The following DCUN1D4 variants were observed in gnomAD, a reference collection of about 807,000 sequenced individuals.
The protein encoded by DCUN1D4 is DCN1-like protein 4.
In DCUN1D4, 22 loss-of-function variants were observed where a neutral mutation model predicts 47.9. That is an observed-to-expected ratio of 0.46 (90% CI 0.33 to 0.66). The LOEUF (loss-of-function observed/expected upper bound fraction) is 0.66. Among genes scored for constraint, DCUN1D4 ranks in the 30% least tolerant of loss-of-function variants. The pLI is 0.02. For missense variants in DCUN1D4, 301 were observed against 340.8 expected (o/e 0.88, Z 0.92); for synonymous variants, 121 against 112.2 (o/e 1.08, Z -0.50).
At chr4:51,841,495 G>T (rs1358729927), upstream of DCUN1D4, among the ~76,000 whole-genome samples, 1 of 152,108 alleles carries the variant, frequency 6.6e-6, no homozygotes, top group Admixed American at 6.5e-5. Flanking sequence ...CATGATAAAG[G>T]TGATCAATAA....
chr4:51,835,646 C>T, the DCUN1D4 span, among the ~76,000 whole-genome samples: 1 of 152,052 alleles, frequency 6.6e-6, no homozygotes, highest in South Asian at 2.1e-4. Context: ...GGGGTGGGGA[C>T]AGGGCAGCTG....
intron 3 of DCUN1D4, among the ~76,000 whole-genome samples, chr4:51,867,622 G>T (rs1408358098): frequency 1.3e-5 from 2 of 152,196 alleles, no homozygotes; most frequent in Non-Finnish European, 2.9e-5. Flanking sequence ...TCTGCAGGCA[G>T]GTTGTCCTGT....
chr4:51,839,186 A>AGAAGGAAGGAAG (rs35432661), upstream of DCUN1D4, among the ~76,000 whole-genome samples: 387 of 141,650 alleles, frequency 2.7e-3, 2 homozygotes, highest in African/African-American at 1.0e-2. Flanking sequence ...GGAAGAAAGG[A>AGAAGGAAGGAAG]GAAGGAAGGA....
intron 1 of DCUN1D4, chr4:51,844,991 A>C: frequency 1.0e-6 from 1 of 985,236 alleles, no homozygotes; most frequent in Non-Finnish European, 1.2e-6. Flanking sequence ...GGAGAGGGAG[A>C]GCCCACGCCA....
At chr4:51,908,131 C>G (rs980125187) in intron 8 of DCUN1D4, among the ~76,000 whole-genome samples, 1 of 152,084 alleles carries the variant, frequency 6.6e-6, no homozygotes, top group African/African-American at 2.4e-5. Flanking sequence ...TGTACTATAT[C>G]ATTCTATAAC....
chr4:51,891,020 G>C (rs1020483499), intron 6 of DCUN1D4, among the ~76,000 whole-genome samples: 7 of 152,162 alleles, frequency 4.6e-5, no homozygotes, highest in African/African-American at 1.7e-4. Flanking sequence ...CAGACCCTGG[G>C]CCCATTCCAG....
chr4:51,885,257 A>C (rs1729280442), intron 5 of DCUN1D4, among the ~76,000 whole-genome samples: 1 of 152,168 alleles, frequency 6.6e-6, no homozygotes, highest in Non-Finnish European at 1.5e-5. Context: ...GATCATGAGG[A>C]GACTGCTGTA....
At chr4:51,895,653 G>T (rs1227298445) in intron 7 of DCUN1D4, among the ~76,000 whole-genome samples, 1 of 151,554 alleles carries the variant, frequency 6.6e-6, no homozygotes, top group African/African-American at 2.4e-5. Context: ...AAGTGAAGGG[G>T]CAGGGGCCTT....
Position 51,848,136 on chromosome 4 carries a change from C to A in DCUN1D4, c.25+4869C>A, listed in dbSNP as rs1198799474. 2.8e-4 allele frequency: 330 copies of A among 1,192,818 alleles called. 1 individual carries two copies. Among genetic ancestry groups the A allele is most frequent in the Non-Finnish European group, 5.1e-5 (46 of 905,712 alleles). 73.9% of individuals were successfully genotyped at this position (1,192,818 alleles called of 1,614,324 possible). A position where few individuals can be genotyped will look rare whatever the true frequency, so the allele number is the denominator to read the frequency against. On this transcript the variant is annotated intron_variant, in intron 1 of 10. Coordinates refer to ENST00000334635, the MANE Select transcript of DCUN1D4 (RefSeq NM_001040402.3). ...TTCAAGGAACACAAGCTTTCACCTA[C>A]TCATTCTTTGCATTTTTTAGACAAA... is the stretch of plus-strand genomic sequence containing the variant.
intron 6 of DCUN1D4, among the ~76,000 whole-genome samples, chr4:51,890,921 C>T (rs542400785): frequency 6.6e-6 from 1 of 152,358 alleles, no homozygotes; most frequent in Non-Finnish European, 1.5e-5. Context: ...GTCACTGTTT[C>T]TGAAACCTGC....
At chr4:51,899,879 GTT>G (rs1290854206) in intron 8 of DCUN1D4, among the ~76,000 whole-genome samples, 1 of 152,170 alleles carries the variant, frequency 6.6e-6, no homozygotes, top group Non-Finnish European at 1.5e-5. Context: ...TTGAAAAGCA[GTT>G]ACCCTATTTG....
At position 51,913,706 on chromosome 4, in the gene DCUN1D4, C is replaced by CA; in HGVS notation, c.*123dup. On this transcript the variant is annotated 3_prime_UTR_variant, in exon 11 of 11. Transcript: ENST00000334635. ...TTGCACTGTTTCCCTTTCGCAGGGA[C>CA]ATGTTGGTGTTTGCTATTGAATTGG... 1.1e-6 allele frequency: 1 copy of CA among 887,372 alleles called. No homozygotes were observed. The highest frequency in any genetic ancestry group is 1.8e-6 in the Non-Finnish European group (1 of 559,600). The allele number at this position is 887,372 out of a possible 1,614,324, so 55.0% of individuals were successfully genotyped here.
At chr4:51,901,758 T>A (rs1289839706) in intron 8 of DCUN1D4, among the ~76,000 whole-genome samples, 1 of 152,222 alleles carries the variant, frequency 6.6e-6, no homozygotes, top group Non-Finnish European at 1.5e-5. Context: ...ATTGAGGGAC[T>A]CTGTAATTTC....
intron 8 of DCUN1D4, among the ~76,000 whole-genome samples, chr4:51,903,047 G>A (rs1732351940): frequency 2.0e-5 from 3 of 152,026 alleles, no homozygotes; most frequent in African/African-American, 7.2e-5. Context: ...GTCGCAATAT[G>A]CTACTATAAC....
At chr4:51,913,153 G>T in intron 9 of DCUN1D4, 137 bp from the exon 10 acceptor site, 1 of 529,196 alleles carries the variant, frequency 1.9e-6, no homozygotes, top group East Asian at 3.1e-5. Flanking sequence ...CATCCTCCTA[G>T]ATTGGTGCTT....
chr4:51,850,950 G>C (rs760408064), intron 1 of DCUN1D4, among the ~76,000 whole-genome samples: 2 of 152,136 alleles, frequency 1.3e-5, no homozygotes, highest in African/African-American at 2.4e-5. Flanking sequence ...TTAGAGTTGT[G>C]GGGGAGGGCA....
chr4:51,891,349 T>A (rs1382428026), intron 6 of DCUN1D4, among the ~76,000 whole-genome samples: 1 of 152,258 alleles, frequency 6.6e-6, no homozygotes, highest in East Asian at 1.9e-4. Context: ...GTTTTCAGTC[T>A]TTAACTGCTA....
At chr4:51,867,481 G>A (rs1378496220) in intron 3 of DCUN1D4, among the ~76,000 whole-genome samples, 1 of 152,210 alleles carries the variant, frequency 6.6e-6, no homozygotes, top group Non-Finnish European at 1.5e-5. Context: ...TAAGCAAGGT[G>A]TAGAGGAGCT....
At chr4:51,871,163 T>G (rs968906500) in intron 3 of DCUN1D4, among the ~76,000 whole-genome samples, 1 of 151,196 alleles carries the variant, frequency 6.6e-6, no homozygotes, top group African/African-American at 2.4e-5. Context: ...GCCTCTTAGT[T>G]AGGAGATAAA....
Sources: gnomAD v4.1 joint callset for allele counts (sites outside exome capture counted in the v4.1 genomes callset) on GRCh38, gnomAD v4.1.1 for gene constraint, MANE v1.5 for transcripts, NCBI Gene and HGNC (gene_info 2026-07-23, HGNC 2026-07-21) for gene names.